Variants in PLCB1 observed in about 807,000 individuals in gnomAD.
PLCB1 encodes the protein phospholipase C beta 1.
In PLCB1, 46 loss-of-function variants were observed where a neutral mutation model predicts 161.8. The observed-to-expected ratio is 0.28, with a 90% CI of 0.22 to 0.36. The LOEUF is 0.36. Among genes scored for constraint, PLCB1 ranks in the 10% least tolerant of loss-of-function variants. PLCB1 has a pLI of 1.00. For missense variants in PLCB1, 1,016 were observed against 1,472.5 expected, an observed-to-expected ratio of 0.69 and a Z score of 5.07; for synonymous variants, 517 against 503.7, an observed-to-expected ratio of 1.03 and a Z score of -0.35.
intron 29 of PLCB1, 102 bp from the exon 30 acceptor site, chr20:8,789,416 A>C: frequency 1.3e-6 from 1 of 790,080 alleles, no homozygotes; most frequent in Non-Finnish European, 2.2e-6. Context: ...AAAAAGAAAA[A>C]GAATGTTGAG....
At chr20:8,359,994 G>A (rs1317076889) in intron 2 of PLCB1, among the ~76,000 whole-genome samples, 1 of 152,216 alleles carries the variant, frequency 6.6e-6, no homozygotes, top group Non-Finnish European at 1.5e-5. Context: ...TTGTATACAA[G>A]TGATTTATTA....
intron 3 of PLCB1, among the ~76,000 whole-genome samples, chr20:8,388,711 C>A (rs1412226311): frequency 1.3e-5 from 2 of 151,934 alleles, no homozygotes; most frequent in Admixed American, 1.3e-4. Flanking sequence ...TACATCTTTA[C>A]TAAATGGAGC....
At chr20:8,445,778 G>T (rs989797287) in intron 3 of PLCB1, among the ~76,000 whole-genome samples, 12 of 151,774 alleles carry the variant, frequency 7.9e-5, no homozygotes, top group African/African-American at 2.4e-4. Context: ...TTGTAAGTTG[G>T]ATTCCTAGGT....
chr20:8,371,503 G>A, intron 3 of PLCB1, 53 bp downstream of exon 3: 2 of 1,248,894 alleles, frequency 1.6e-6, no homozygotes. Context: ...TTGTTTGGCT[G>A]TGTCACAATA....
At chr20:8,692,737 A>G (rs1990506838) in intron 10 of PLCB1, among the ~76,000 whole-genome samples, 1 of 152,058 alleles carries the variant, frequency 6.6e-6, no homozygotes, top group South Asian at 2.1e-4. Context: ...GTGTACCCTA[A>G]GCATTACCTC....
At chr20:8,505,620 T>C (rs1470535118) in intron 3 of PLCB1, among the ~76,000 whole-genome samples, 1 of 152,206 alleles carries the variant, frequency 6.6e-6, no homozygotes, top group African/African-American at 2.4e-5. Context: ...CTCCATGAAA[T>C]ATGTTCTGTT....
chr20:8,830,933 C>T (rs1041855328), intron 31 of PLCB1, among the ~76,000 whole-genome samples: 8 of 152,138 alleles, frequency 5.3e-5, no homozygotes, highest in Non-Finnish European at 1.0e-4. Flanking sequence ...TTCACAGCAC[C>T]GTGGACAAGA....
intron 3 of PLCB1, among the ~76,000 whole-genome samples, chr20:8,440,229 A>G (rs1183765063): frequency 6.6e-6 from 1 of 152,196 alleles, no homozygotes; most frequent in Non-Finnish European, 1.5e-5. Flanking sequence ...AAAAATGTAT[A>G]TCTAAGGCTG....
chr20:8,507,472 GA>G (rs1983684178), intron 3 of PLCB1, among the ~76,000 whole-genome samples: 1 of 152,170 alleles, frequency 6.6e-6, no homozygotes, highest in Non-Finnish European at 1.5e-5. Context: ...CAGGATCTGA[GA>G]AAGCAACTGA....
intron 3 of PLCB1, among the ~76,000 whole-genome samples, chr20:8,569,070 G>T (rs1411669146): frequency 6.6e-6 from 1 of 152,208 alleles, no homozygotes; most frequent in African/African-American, 2.4e-5. Context: ...CATCTGGTTT[G>T]TAAGGGAGCT....
chr20:8,665,955 A>C lies in PLCB1; in HGVS notation c.862+7251A>C, dbSNP rs139438298. ...TGTAGCAGACACCTGTGCTATTCCC[A>C]TGTCCCTTGGCAATCATGGTTCCAA... On this transcript the variant is annotated intron_variant, in intron 9 of 31. Transcript: ENST00000338037. 1.9e-3 allele frequency among the ~76,000 whole-genome samples: 283 copies of C among 152,304 alleles called. 1 individual carries two copies. The highest frequency in any genetic ancestry group is 6.4e-3 in the South Asian group (31 of 4,826).
At chr20:8,771,877 G>GTTCCTTCCTTCCTTCCTTCATTCC (rs1982700277) in intron 26 of PLCB1, among the ~76,000 whole-genome samples, 1 of 150,148 alleles carries the variant, frequency 6.7e-6, no homozygotes, top group Non-Finnish European at 1.5e-5. Flanking sequence ...TCCTTCCTTC[G>GTTCCTTCCTTCCTTCCTTCATTCC]TTCCTTCCTT....
chr20:8,636,769 G>A (rs1429107515), intron 4 of PLCB1, among the ~76,000 whole-genome samples: 1 of 152,138 alleles, frequency 6.6e-6, no homozygotes, highest in Non-Finnish European at 1.5e-5. Context: ...AAACTGAAGG[G>A]AAAATGTCAA....
intron 31 of PLCB1, among the ~76,000 whole-genome samples, chr20:8,821,025 G>A (rs961553252): frequency 2.6e-5 from 4 of 152,102 alleles, no homozygotes; most frequent in Non-Finnish European, 4.4e-5. Context: ...TACCTCTGAG[G>A]AGTCAGGGAA....
chr20:8,579,413 G>A (rs866601178), intron 3 of PLCB1, among the ~76,000 whole-genome samples: 18 of 152,152 alleles, frequency 1.2e-4, no homozygotes, highest in Middle Eastern at 3.2e-3. Flanking sequence ...CTCAGTCAAG[G>A]CAAGCACGAC....
intron 29 of PLCB1, 76 bp downstream of exon 29, chr20:8,788,798 C>G: frequency 1.1e-6 from 1 of 909,268 alleles, no homozygotes. Flanking sequence ...GTCACAGGTT[C>G]ATAACCAGTC....
Position 8,786,797 on chromosome 20 carries a change from G to A in PLCB1, c.3112-1652G>A, listed in dbSNP as rs552436751. On this transcript the variant is annotated intron_variant, in intron 27 of 31. Transcript: ENST00000338037. Reference sequence around the variant, plus strand: ...CGGCTCACTGCAACCTCCACCTCCCGGATTCAAGTGATTCTCCTGCCTCAG... The same window carrying A: ...CGGCTCACTGCAACCTCCACCTCCCAGATTCAAGTGATTCTCCTGCCTCAG... Among the ~76,000 whole-genome samples, 10 of 150,806 alleles carry A rather than the reference G, an allele frequency of 6.6e-5. 1 individual carries two copies. The East Asian group carries it at 1.4e-3, about 21-fold the overall frequency.
At chr20:8,713,039 T>C (rs1189682654) in intron 12 of PLCB1, among the ~76,000 whole-genome samples, 1 of 152,252 alleles carries the variant, frequency 6.6e-6, no homozygotes, top group African/African-American at 2.4e-5. Flanking sequence ...CAATTTGCTC[T>C]CTGCTCTGAT....
At chr20:8,250,033 A>G (rs1425801456) in intron 2 of PLCB1, among the ~76,000 whole-genome samples, 1 of 151,930 alleles carries the variant, frequency 6.6e-6, no homozygotes, top group Non-Finnish European at 1.5e-5. Context: ...AGGCAGGCCA[A>G]CTCACTTCAA....
Sources: allele counts gnomAD v4.1 joint callset (sites outside exome capture counted in the v4.1 genomes callset), GRCh38; gene constraint gnomAD v4.1.1; transcripts MANE v1.5; gene names NCBI Gene and HGNC (gene_info 2026-07-23, HGNC 2026-07-21).